AGBL4: variants seen among roughly 807,000 people sequenced by gnomAD.
AGBL4 encodes the protein cytosolic carboxypeptidase 6.
A neutral mutation model predicts 66.4 loss-of-function variants in AGBL4; 58 were observed. The observed-to-expected ratio is 0.87, with a 90% confidence interval of 0.71 to 1.09. AGBL4 has a LOEUF of 1.09. AGBL4 is among the 50% of genes least tolerant of loss of function. AGBL4 has a pLI of 0.00. For missense variants in AGBL4, 579 were observed against 631.0 expected (o/e 0.92, Z 0.88); for synonymous variants, 234 against 222.9 (o/e 1.05, Z -0.44).
rs535893517 is a variant in AGBL4, at chr1:50,013,246, G to A, written c.34+10517C>T. Reference sequence around the variant, plus strand: ...CTGTCTTAGGGCTTTATTAAATCAGGTTATAGGAATTAATAAAAAGAGTAA... The same window carrying A: ...CTGTCTTAGGGCTTTATTAAATCAGATTATAGGAATTAATAAAAAGAGTAA... On this transcript the variant is annotated intron_variant, in intron 1 of 13. Transcript: ENST00000371839. Among the ~76,000 whole-genome samples, 40 of 152,194 alleles carry A rather than the reference G, an allele frequency of 2.6e-4. 1 individual carries two copies. The highest frequency in any genetic ancestry group is 9.2e-4 in the Admixed American group (14 of 15,298).
chr1:49,729,375 CT>C (rs1221547818), intron 2 of AGBL4, among the ~76,000 whole-genome samples: 1 of 152,050 alleles, frequency 6.6e-6, no homozygotes, highest in African/African-American at 2.4e-5. Flanking sequence ...CCATTTGAGC[CT>C]CAAGTCCAAG....
intron 2 of AGBL4, among the ~76,000 whole-genome samples, chr1:49,742,662 C>T (rs1257475734): frequency 6.6e-6 from 1 of 152,104 alleles, no homozygotes; most frequent in Non-Finnish European, 1.5e-5. Context: ...TACTACAAGG[C>T]TACAGTAACC....
At chr1:49,958,901 C>G (rs1013268917) in intron 1 of AGBL4, among the ~76,000 whole-genome samples, 1 of 150,036 alleles carries the variant, frequency 6.7e-6, no homozygotes, top group Admixed American at 6.7e-5. Flanking sequence ...TCACTTCTGA[C>G]AAAGTGGCAA....
chr1:48,545,783 C>T (rs137987832), intron 11 of AGBL4, among the ~76,000 whole-genome samples: 1 of 152,344 alleles, frequency 6.6e-6, no homozygotes, highest in African/African-American at 2.4e-5. Flanking sequence ...CCATGACTTC[C>T]ATACAGAGCT....
chr1:48,892,578 AG>A (rs566428475), intron 5 of AGBL4, among the ~76,000 whole-genome samples: 1 of 152,200 alleles, frequency 6.6e-6, no homozygotes, highest in Non-Finnish European at 1.5e-5. Flanking sequence ...TCGAAGTAAA[AG>A]CGGGGCAACA....
intron 3 of AGBL4, among the ~76,000 whole-genome samples, chr1:49,275,071 AGAATC>A (rs1644141147): frequency 1.3e-5 from 2 of 152,300 alleles, no homozygotes; most frequent in East Asian, 3.9e-4. Context: ...TTGTTCCATA[AGAATC>A]TGTTTTCTTT....
chr1:48,859,855 C>A (rs560640180), intron 6 of AGBL4, among the ~76,000 whole-genome samples: 1 of 152,090 alleles, frequency 6.6e-6, no homozygotes, highest in Admixed American at 6.5e-5. Flanking sequence ...GAATGCTCAC[C>A]GTGGTGTTAT....
chr1:48,729,478 C>G (rs1351074290), intron 6 of AGBL4, among the ~76,000 whole-genome samples: 3 of 152,128 alleles, frequency 2.0e-5, no homozygotes, highest in Non-Finnish European at 4.4e-5. Context: ...CTATGGAGAA[C>G]AAGCAAAATC....
chr1:48,606,726 C>T (rs1456256580), intron 9 of AGBL4, among the ~76,000 whole-genome samples: 1 of 152,158 alleles, frequency 6.6e-6, no homozygotes, highest in Non-Finnish European at 1.5e-5. Context: ...TGGACTACTG[C>T]AGTAGGCTCC....
chr1:48,572,421 G>GA (rs80161171), intron 11 of AGBL4, among the ~76,000 whole-genome samples: 4 of 151,242 alleles, frequency 2.6e-5, no homozygotes, highest in Admixed American at 6.6e-5. Flanking sequence ...AAGAAAAAGA[G>GA]AAAAAAAAGT....
intron 3 of AGBL4, among the ~76,000 whole-genome samples, chr1:49,396,921 C>T (rs1023577894): frequency 2.0e-5 from 3 of 152,128 alleles, no homozygotes; most frequent in South Asian, 4.1e-4. Flanking sequence ...GGACCAGTTT[C>T]GTGGGAGACA....
intron 1 of AGBL4, among the ~76,000 whole-genome samples, chr1:49,940,442 G>A (rs911550206): frequency 6.6e-5 from 10 of 152,046 alleles, no homozygotes; most frequent in Admixed American, 1.3e-4. Context: ...CAAAGACTTG[G>A]AACCAACCCA....
At chr1:49,650,107 G>A (rs1347303415) in intron 3 of AGBL4, among the ~76,000 whole-genome samples, 1 of 152,150 alleles carries the variant, frequency 6.6e-6, no homozygotes, top group East Asian at 1.9e-4. Flanking sequence ...AAGCAGAAGA[G>A]TTTCCTTGTT....
chr1:49,628,082 A>T (rs1344294124), intron 3 of AGBL4, among the ~76,000 whole-genome samples: 1 of 152,180 alleles, frequency 6.6e-6, no homozygotes, highest in African/African-American at 2.4e-5. Flanking sequence ...CTGTTTGCAT[A>T]GCGTTCCATC....
chr1:49,825,250 C>T (rs1645479590), intron 2 of AGBL4, among the ~76,000 whole-genome samples: 1 of 152,166 alleles, frequency 6.6e-6, no homozygotes. Context: ...GAATATTCTG[C>T]ATCATCCACT....
chr1:49,707,328 T>C (rs1263522865), intron 2 of AGBL4, among the ~76,000 whole-genome samples: 4 of 151,788 alleles, frequency 2.6e-5, no homozygotes, highest in Non-Finnish European at 5.9e-5. Context: ...TTTGTTGACT[T>C]AAAGTCTGTT....
intron 3 of AGBL4, among the ~76,000 whole-genome samples, chr1:49,602,500 T>C (rs1644979171): frequency 6.6e-6 from 1 of 152,124 alleles, no homozygotes; most frequent in South Asian, 2.1e-4. Context: ...TACCATGGAA[T>C]ACTATGCAGC....
At chr1:48,925,671 T>A (rs1486146885) in intron 5 of AGBL4, among the ~76,000 whole-genome samples, 2 of 152,208 alleles carry the variant, frequency 1.3e-5, no homozygotes, top group Non-Finnish European at 2.9e-5. Context: ...ATCTGCACGT[T>A]TGATACAGAT....
At position 49,383,802 on chromosome 1, in the gene AGBL4, TA is replaced by T. The variant is rs200436350; in HGVS notation, c.283-137939del. ...AAACAAATGAGACTGTATATATATA[TA>T]TTTTTTTTTTTTGAGATGGTGTCTT... On this transcript the variant is annotated intron_variant, in intron 3 of 13. Transcript: ENST00000371839. Among the ~76,000 whole-genome samples, 721 of 151,168 alleles carry T rather than the reference TA, an allele frequency of 4.8e-3. 5 individuals carry two copies. Among genetic ancestry groups the T allele is most frequent in the African/African-American group, 0.015 (624 of 40,814 alleles).
Sources: allele counts gnomAD v4.1 joint callset (sites outside exome capture counted in the v4.1 genomes callset), GRCh38; gene constraint gnomAD v4.1.1; transcripts MANE v1.5; gene names NCBI Gene and HGNC (gene_info 2026-07-23, HGNC 2026-07-21).